Variants in SSUH2 observed in about 807,000 individuals in gnomAD.
The protein encoded by SSUH2 is ssu-2 homolog.
A neutral mutation model predicts 55.3 loss-of-function variants in SSUH2; 47 were observed. The observed-to-expected ratio is 0.85, with a 90% confidence interval of 0.67 to 1.08. SSUH2 has a LOEUF of 1.08. Among genes scored for constraint, SSUH2 ranks in the 50% least tolerant of loss-of-function variants. The probability of loss-of-function intolerance (pLI) is 0.00; values close to 1 mark genes in which losing one functional copy is unlikely to be tolerated. For synonymous variants in SSUH2, 212 were observed against 191.5 expected, an observed-to-expected ratio of 1.11 and a Z score of -0.89; for missense variants, 535 against 490.7, an observed-to-expected ratio of 1.09 and a Z score of -0.85.
chr3:8,675,116 T>C (rs1448561772), intron 3 of SSUH2, among the ~76,000 whole-genome samples: 1 of 152,320 alleles, frequency 6.6e-6, no homozygotes, highest in Middle Eastern at 3.4e-3. Context: ...CAAGCTACAC[T>C]GACTTTACAT....
At chr3:8,627,847 A>C in intron 7 of SSUH2, 64 bp from the exon 8 acceptor site, 1 of 1,468,964 alleles carries the variant, frequency 6.8e-7, no homozygotes, top group Non-Finnish European at 9.3e-7. Context: ...ACGGCATCCC[A>C]AGACCTGGTT....
chr3:8,624,262 CCCT>C (rs1697069074), intron 10 of SSUH2, among the ~76,000 whole-genome samples: 1 of 152,224 alleles, frequency 6.6e-6, no homozygotes, highest in Admixed American at 6.5e-5. Context: ...CCTTCCTCCA[CCCT>C]CCTCCTAAGT....
chr3:8,627,749 T>C lies in SSUH2; in HGVS notation c.623A>G (p.Lys208Arg). ...CTGACATCTCCGGGACTGCTTGGCT[T>C]TGCGCTTGGCTCCGCAGCAGGATGG... Reference protein sequence around the residue: ...RCPSCCGAKRKAKQSRRCQLC... With the variant: ...RCPSCCGAKRRAKQSRRCQLC... The change falls in exon 8 of 12, where the codon AAA (lysine) becomes AGA (arginine). Residue 208 changes from lysine to arginine, a missense_variant. Lys to Arg is a conservative substitution (Grantham distance 26). Coordinates refer to ENST00000544814, the MANE Select transcript of SSUH2 (RefSeq NM_001256748.3). 1 of 1,610,606 alleles carries C rather than the reference T, an allele frequency of 6.2e-7. No homozygotes were observed. Among genetic ancestry groups the C allele is most frequent in the South Asian group, 1.1e-5 (1 of 90,728 alleles).
rs1309275426 is a variant in SSUH2, at chr3:8,636,611, T to C, written c.29-754A>G. ...CCAGTGGACAATCTTTGCTCTGGGATTCCCAGCAGACCTGACCAAGACTTT... is the reference window on the plus strand; with the variant it reads ...CCAGTGGACAATCTTTGCTCTGGGACTCCCAGCAGACCTGACCAAGACTTT... On this transcript the variant is annotated intron_variant, in intron 1 of 11. Coordinates refer to ENST00000544814, the MANE Select transcript of SSUH2 (RefSeq NM_001256748.3). 2.6e-5 allele frequency among the ~76,000 whole-genome samples: 4 copies of C among 152,086 alleles called. No homozygotes were observed. The East Asian group carries it at 5.8e-4, about 22-fold the overall frequency.
At chr3:8,681,715 G>A (rs961961935) in intron 1 of SSUH2, among the ~76,000 whole-genome samples, 1 of 150,526 alleles carries the variant, frequency 6.6e-6, no homozygotes, top group African/African-American at 2.4e-5. Context: ...CGCAGCGGGG[G>A]GAGGCACCCC....
In SSUH2 at chr3:8,675,743, T is replaced by G. The variant is rs544811867; in HGVS notation, c.-753+1463A>C. On this transcript the variant is annotated intron_variant, in intron 3 of 18. Coordinates refer to the SSUH2 transcript ENST00000317371. ...CTTTGCATGAGGTCACAAAGGGGGC[T>G]GGGACCGGGAACCTTTGGAATGGGG... is the stretch of plus-strand genomic sequence containing the variant. Among the ~76,000 whole-genome samples the G allele has an allele frequency of 2.6e-5, 4 of 152,244 alleles. No homozygotes were observed. The East Asian group carries it at 5.8e-4, about 22-fold the overall frequency.
chr3:8,649,246 C>T (rs972715427), upstream of SSUH2, among the ~76,000 whole-genome samples: 6 of 152,296 alleles, frequency 3.9e-5, no homozygotes, highest in Admixed American at 2.0e-4. Flanking sequence ...CAGGAACTTT[C>T]GCCACATCTT....
At chr3:8,629,777 C>T (rs757467793) in intron 6 of SSUH2, 51 bp from the exon 7 acceptor site, 8 of 1,566,064 alleles carry the variant, frequency 5.1e-6, no homozygotes, top group Admixed American at 1.7e-5. Context: ...GCCACTTCTC[C>T]CACACCCATA....
At chr3:8,623,512 G>C in intron 11 of SSUH2, 37 bp downstream of exon 11, 2 of 1,220,486 alleles carry the variant, frequency 1.6e-6, no homozygotes, top group Non-Finnish European at 2.4e-6. Context: ...CCCAGGAAGA[G>C]ACGTCAGAGC....
intron 6 of SSUH2, among the ~76,000 whole-genome samples, chr3:8,630,445 T>C (rs970631029): frequency 1.3e-5 from 2 of 152,236 alleles, no homozygotes; most frequent in Admixed American, 6.5e-5. Flanking sequence ...TTTTAAGTTT[T>C]TATTTTATAT....
At position 8,669,974 on chromosome 3, in the gene SSUH2, A is replaced by G. The variant is rs1445240788; in HGVS notation, c.-455+1024T>C. Among the ~76,000 whole-genome samples the G allele has an allele frequency of 2.0e-5, 3 of 152,330 alleles. No homozygotes were observed. The East Asian group carries it at 5.8e-4, about 29-fold the overall frequency. On this transcript the variant is annotated intron_variant, in intron 5 of 18. Coordinates refer to the SSUH2 transcript ENST00000317371. ...GAACACATTCTGTAGTTTACTGAAT[A>G]GTGTTGTCCTGGCATTAATTTCTTG... is the stretch of plus-strand genomic sequence containing the variant.
chr3:8,639,509 T>C (rs996766236), intron 1 of SSUH2, among the ~76,000 whole-genome samples: 1 of 152,294 alleles, frequency 6.6e-6, no homozygotes, highest in East Asian at 1.9e-4. Context: ...TATGGCTCCA[T>C]GCAAAGAGCA....
chr3:8,650,939 C>T (rs1396254064), intron 7 of SSUH2, among the ~76,000 whole-genome samples: 3 of 152,208 alleles, frequency 2.0e-5, no homozygotes, highest in Non-Finnish European at 4.4e-5. Flanking sequence ...GGTTTTAAAT[C>T]GTGGCTCCTG....
upstream of SSUH2, among the ~76,000 whole-genome samples, chr3:8,645,748 T>C (rs923798748): frequency 2.0e-5 from 3 of 152,174 alleles, no homozygotes; most frequent in Non-Finnish European, 4.4e-5. Context: ...AGGACTATTT[T>C]GTCAGTGTCC....
At chr3:8,641,030 AC>A in intron 1 of SSUH2, among the ~76,000 whole-genome samples, 1 of 152,152 alleles carries the variant, frequency 6.6e-6, no homozygotes, top group East Asian at 1.9e-4. Flanking sequence ...ATTTGTACTC[AC>A]CCTCACACAC....
chr3:8,636,811 G>A (rs910494737), intron 1 of SSUH2, among the ~76,000 whole-genome samples: 6 of 152,130 alleles, frequency 3.9e-5, no homozygotes, highest in Non-Finnish European at 7.3e-5. Flanking sequence ...TCTGCTTCAT[G>A]GGTGACCCAA....
intron 2 of SSUH2, among the ~76,000 whole-genome samples, chr3:8,678,494 T>TG (rs1217485228): frequency 3.7e-5 from 4 of 107,768 alleles, no homozygotes; most frequent in African/African-American, 6.7e-5. Flanking sequence ...TGCAAGGGGG[T>TG]GAGGCACCCC....
chr3:8,634,162 C>T, intron 3 of SSUH2: 1 of 643,742 alleles, frequency 1.6e-6, no homozygotes, highest in African/African-American at 1.8e-5. Context: ...GAGGCAGAGA[C>T]AGGCTAAATA....
chr3:8,654,684 TCAGTGTGCGGCCACTCCAAGATCA>T (rs1702754154), intron 7 of SSUH2, among the ~76,000 whole-genome samples: 1 of 151,972 alleles, frequency 6.6e-6, no homozygotes, highest in African/African-American at 2.4e-5. Context: ...CCCCAAGGTC[TCAGTGTGCGGCCACTCCAAGATCA>T]CAGTGTGTGG....
Sources: gnomAD v4.1 joint callset for allele counts (sites outside exome capture counted in the v4.1 genomes callset) on GRCh38, gnomAD v4.1.1 for gene constraint, MANE v1.5 for transcripts, NCBI Gene and HGNC (gene_info 2026-07-23, HGNC 2026-07-21) for gene names.